Variants in RNF150 observed in about 807,000 individuals in gnomAD.
The protein encoded by RNF150 is ring finger protein 150.
In RNF150, 24 loss-of-function variants were observed where a neutral mutation model predicts 39.3. That is an observed-to-expected ratio of 0.61 (90% confidence interval 0.44 to 0.86). The LOEUF is 0.86. Among genes scored for constraint, RNF150 ranks in the 40% least tolerant of loss-of-function variants. The probability of loss-of-function intolerance (pLI) is 0.00; values close to 1 mark genes in which losing one functional copy is unlikely to be tolerated. For synonymous variants in RNF150, 255 were observed against 227.3 expected, an observed-to-expected ratio of 1.12 and a Z score of -1.10; for missense variants, 502 against 587.8, an observed-to-expected ratio of 0.85 and a Z score of 1.51.
intron 1 of RNF150, among the ~76,000 whole-genome samples, chr4:141,165,900 A>G (rs925452973): frequency 6.6e-6 from 1 of 152,206 alleles, no homozygotes; most frequent in African/African-American, 2.4e-5. Flanking sequence ...TAGAGAAGCA[A>G]GAGCAAAGAA....
intron 1 of RNF150, among the ~76,000 whole-genome samples, chr4:141,038,639 CA>C (rs1316684072): frequency 2.0e-5 from 3 of 151,828 alleles, no homozygotes; most frequent in African/African-American, 7.3e-5. Context: ...TGCAGTGAGC[CA>C]TGATTGTGCC....
At chr4:140,940,460 T>A (rs1026429103) in intron 4 of RNF150, among the ~76,000 whole-genome samples, 1 of 152,090 alleles carries the variant, frequency 6.6e-6, no homozygotes, top group Non-Finnish European at 1.5e-5. Flanking sequence ...TTATGGCACA[T>A]GGGATATTAT....
At chr4:141,023,206 A>T (rs1390094249) in intron 1 of RNF150, among the ~76,000 whole-genome samples, 1 of 149,106 alleles carries the variant, frequency 6.7e-6, no homozygotes, top group Non-Finnish European at 1.5e-5. Context: ...TAGTAGCCAC[A>T]TAAAAAAGAA....
chr4:141,102,215 C>T (rs1009959992), intron 1 of RNF150, among the ~76,000 whole-genome samples: 2 of 152,132 alleles, frequency 1.3e-5, no homozygotes, highest in Non-Finnish European at 2.9e-5. Flanking sequence ...AATAAAACCA[C>T]ATTTTAGTCT....
chr4:141,208,560 A>G (rs1164315556), intron 1 of RNF150, among the ~76,000 whole-genome samples: 1 of 152,214 alleles, frequency 6.6e-6, no homozygotes, highest in Non-Finnish European at 1.5e-5. Flanking sequence ...GCTAGCAGCT[A>G]TACCTTAATT....
intron 1 of RNF150, among the ~76,000 whole-genome samples, chr4:141,187,604 A>G (rs1281774108): frequency 6.6e-6 from 1 of 152,192 alleles, no homozygotes; most frequent in African/African-American, 2.4e-5. Flanking sequence ...ACCATTATGC[A>G]ATGCCCTTCT....
At chr4:140,931,434 G>T (rs1196236240) in intron 4 of RNF150, among the ~76,000 whole-genome samples, 4 of 152,148 alleles carry the variant, frequency 2.6e-5, no homozygotes, top group Non-Finnish European at 5.9e-5. Flanking sequence ...AATTGGGATT[G>T]GAAAGCAGTA....
intron 1 of RNF150, among the ~76,000 whole-genome samples, chr4:141,068,720 C>T (rs1251781979): frequency 7.2e-6 from 1 of 139,582 alleles, no homozygotes; most frequent in African/African-American, 2.6e-5. Context: ...TTGTTTTTAT[C>T]CTCTTTTGTT....
intron 1 of RNF150, among the ~76,000 whole-genome samples, chr4:141,188,139 G>A (rs1386076459): frequency 1.3e-5 from 2 of 152,170 alleles, no homozygotes; most frequent in African/African-American, 4.8e-5. Context: ...ATTCTGGGTT[G>A]AAAATTCTTT....
chr4:141,185,032 G>A (rs1211751981), intron 1 of RNF150, among the ~76,000 whole-genome samples: 1 of 150,686 alleles, frequency 6.6e-6, no homozygotes, highest in Non-Finnish European at 1.5e-5. Flanking sequence ...GTTTCCATAT[G>A]TAATTTAAAG....
intron 1 of RNF150, among the ~76,000 whole-genome samples, chr4:141,016,443 G>A (rs1735276205): frequency 7.2e-6 from 1 of 138,192 alleles, no homozygotes; most frequent in Admixed American, 7.9e-5. Flanking sequence ...GTCATTAAAA[G>A]CAGGTATAAA....
chr4:141,167,354 A>G (rs1162652880), intron 1 of RNF150, among the ~76,000 whole-genome samples: 1 of 152,202 alleles, frequency 6.6e-6, no homozygotes, highest in East Asian at 1.9e-4. Context: ...CAATATCATG[A>G]ACATGGCCAT....
chr4:141,144,683 T>G (rs1727172508), intron 1 of RNF150, among the ~76,000 whole-genome samples: 1 of 152,198 alleles, frequency 6.6e-6, no homozygotes, highest in South Asian at 2.1e-4. Flanking sequence ...ATAAATATTC[T>G]TAATCAGAGG....
intron 4 of RNF150, among the ~76,000 whole-genome samples, chr4:140,939,754 T>G (rs1732010706): frequency 6.6e-6 from 1 of 152,038 alleles, no homozygotes; most frequent in Non-Finnish European, 1.5e-5. Flanking sequence ...TTTTTTCTAT[T>G]TAGAATTCAA....
chr4:141,160,737 C>G (rs1727495908), intron 1 of RNF150, among the ~76,000 whole-genome samples: 1 of 152,202 alleles, frequency 6.6e-6, no homozygotes. Flanking sequence ...CCCCCTCCCA[C>G]TTCTTCCTGC....
chr4:141,018,598 T>C (rs1301045760), intron 1 of RNF150, among the ~76,000 whole-genome samples: 1 of 152,170 alleles, frequency 6.6e-6, no homozygotes, highest in African/African-American at 2.4e-5. Flanking sequence ...TTCTAAGTCA[T>C]CTGCCATGCA....
At chr4:141,077,392 T>G (rs1172101462) in intron 1 of RNF150, among the ~76,000 whole-genome samples, 3 of 152,282 alleles carry the variant, frequency 2.0e-5, no homozygotes, top group Middle Eastern at 3.4e-3. Context: ...TGCAAAAGGC[T>G]ACATATGTGA....
intron 1 of RNF150, among the ~76,000 whole-genome samples, chr4:141,178,859 T>C (rs1201689204): frequency 6.6e-6 from 1 of 152,082 alleles, no homozygotes; most frequent in African/African-American, 2.4e-5. Context: ...ACTAGTGTTC[T>C]AGGAACACTA....
intron 1 of RNF150, among the ~76,000 whole-genome samples, chr4:141,023,938 T>C (rs1735596988): frequency 6.6e-6 from 1 of 152,216 alleles, no homozygotes; most frequent in South Asian, 2.1e-4. Flanking sequence ...CTTGCAATAC[T>C]CTTCTAATGA....
Sources: gnomAD v4.1 joint callset for allele counts (sites outside exome capture counted in the v4.1 genomes callset) on GRCh38, gnomAD v4.1.1 for gene constraint, MANE v1.5 for transcripts, NCBI Gene and HGNC (gene_info 2026-07-23, HGNC 2026-07-21) for gene names.